MSI2: variants seen among roughly 807,000 people sequenced by gnomAD.
MSI2 encodes the protein musashi RNA binding protein 2, also known as RNA-binding protein Musashi homolog 2.
MSI2 carries 17 observed loss-of-function variants against 45.6 expected under a neutral mutation model. The observed-to-expected ratio is 0.37, with a 90% confidence interval of 0.26 to 0.56. The LOEUF (loss-of-function observed/expected upper bound fraction) is 0.56, where lower values mean the gene tolerates loss of function less well. Ranked by LOEUF, MSI2 falls within the 20% of genes least tolerant of loss-of-function variation. The pLI is 0.77. For missense variants in MSI2, 293 were observed against 444.2 expected, an observed-to-expected ratio of 0.66 and a Z score of 3.06; for synonymous variants, 156 against 158.2, an observed-to-expected ratio of 0.99 and a Z score of 0.11.
Position 57,262,189 on chromosome 17 carries a change from C to G in MSI2, c.309C>G (p.Pro103=). Residue 103 remains proline (P), a synonymous_variant, in exon 5 of 14, where the codon CCC becomes CCG. Transcript: ENST00000284073. ...PKVAFPRRAQ[P]KMVTRTKKIF... ...TTGCATTTCCTCGTCGAGCGCAACCCAAGGTAAGTAGGAGAATAAACAGTA... is the reference window on the plus strand; with the variant it reads ...TTGCATTTCCTCGTCGAGCGCAACCGAAGGTAAGTAGGAGAATAAACAGTA... 6.2e-7 allele frequency: 1 copy of G among 1,613,890 alleles called. No homozygotes were observed. Among genetic ancestry groups the G allele is most frequent in the Non-Finnish European group, 8.5e-7 (1 of 1,179,918 alleles).
chr17:57,399,964 G>A (rs1050623177), intron 5 of MSI2, among the ~76,000 whole-genome samples: 2 of 152,144 alleles, frequency 1.3e-5, no homozygotes, highest in African/African-American at 2.4e-5. Flanking sequence ...CAGCAGATAC[G>A]CCGGGAGCCT....
chr17:57,283,224 A>G (rs1815198), intron 5 of MSI2, among the ~76,000 whole-genome samples: 85,183 of 151,848 alleles, frequency 0.56, 25,743 homozygotes, highest in Middle Eastern at 0.69. Context: ...ATGCCATTTC[A>G]CTAAGGGCGG....
chr17:57,510,716 C>T (rs958925880), intron 6 of MSI2, among the ~76,000 whole-genome samples: 3 of 152,246 alleles, frequency 2.0e-5, no homozygotes, highest in African/African-American at 4.8e-5. Context: ...GCGTGAGCCA[C>T]CACACCCGGC....
intron 5 of MSI2, among the ~76,000 whole-genome samples, chr17:57,379,768 T>C (rs997103763): frequency 3.3e-5 from 5 of 152,038 alleles, no homozygotes; most frequent in Admixed American, 1.3e-4. Flanking sequence ...TCAGTGGCTA[T>C]GCGTTCAGCA....
chr17:57,474,760 C>T (rs544139104), intron 6 of MSI2, among the ~76,000 whole-genome samples: 4 of 152,000 alleles, frequency 2.6e-5, no homozygotes, highest in East Asian at 1.9e-4. Context: ...GCTCTGTCTT[C>T]CAGGCTGAAG....
At chr17:57,665,706 T>C (rs929366442) in intron 11 of MSI2, among the ~76,000 whole-genome samples, 2 of 152,128 alleles carry the variant, frequency 1.3e-5, no homozygotes, top group African/African-American at 4.8e-5. Context: ...CCAAAAGGAC[T>C]TGGCTCTCAG....
chr17:57,593,797 G>C (rs1180127827), intron 7 of MSI2, among the ~76,000 whole-genome samples: 1 of 152,178 alleles, frequency 6.6e-6, no homozygotes, highest in East Asian at 1.9e-4. Flanking sequence ...TGGGGGCTGG[G>C]GCAGAGGGGT....
intron 6 of MSI2, among the ~76,000 whole-genome samples, chr17:57,415,447 T>C (rs1351513617): frequency 1.3e-5 from 2 of 152,170 alleles, no homozygotes; most frequent in Non-Finnish European, 2.9e-5. Flanking sequence ...AGACCTGAGT[T>C]TGAATCCAGA....
At chr17:57,445,119 T>C (rs1410609788) in intron 6 of MSI2, among the ~76,000 whole-genome samples, 2 of 152,196 alleles carry the variant, frequency 1.3e-5, no homozygotes, top group East Asian at 1.9e-4. Flanking sequence ...GAGAGACTTA[T>C]CAGTTAAACC....
intron 6 of MSI2, among the ~76,000 whole-genome samples, chr17:57,482,783 T>G (rs2085674288): frequency 6.6e-6 from 1 of 152,202 alleles, no homozygotes; most frequent in Non-Finnish European, 1.5e-5. Context: ...GTGCCTGCAT[T>G]TAGCAAGTCA....
downstream of MSI2, among the ~76,000 whole-genome samples, chr17:57,685,203 C>A (rs1598526515): frequency 6.6e-6 from 1 of 152,122 alleles, no homozygotes; most frequent in African/African-American, 2.4e-5. Context: ...AGAGATAGAT[C>A]ATCTACAATA....
intron 10 of MSI2, among the ~76,000 whole-genome samples, chr17:57,644,819 C>T (rs1910530209): frequency 6.6e-6 from 1 of 152,050 alleles, no homozygotes; most frequent in Non-Finnish European, 1.5e-5. Flanking sequence ...AAAGATTCCC[C>T]TTAATCACAC....
chr17:57,602,240 A>C (rs1038523578), intron 8 of MSI2, among the ~76,000 whole-genome samples: 1 of 151,736 alleles, frequency 6.6e-6, no homozygotes, highest in Non-Finnish European at 1.5e-5. Context: ...CTCATCAGCT[A>C]TCTTTAGTGT....
chr17:57,468,877 T>C (rs1237945026), intron 6 of MSI2, among the ~76,000 whole-genome samples: 1 of 152,168 alleles, frequency 6.6e-6, no homozygotes, highest in Non-Finnish European at 1.5e-5. Context: ...GACCTCTCTC[T>C]CCTTGAGACA....
chr17:57,698,347 G>A, the MSI2 span, among the ~76,000 whole-genome samples: 2 of 152,162 alleles, frequency 1.3e-5, no homozygotes, highest in South Asian at 2.1e-4. Flanking sequence ...TTCTGTGCCC[G>A]CACGCTGTGG....
Position 57,502,636 on chromosome 17 carries a change from T to TATATATATATATATATATAG in MSI2, c.406-27039_406-27038insTATATATATATATATATAGA. On this transcript the variant is annotated intron_variant, in intron 6 of 13. Transcript: ENST00000284073. ...ATATATATATATATATATATATATA[T>TATATATATATATATATATAG]AGTCATCATTCTGTCATGCAGGAAG... Among the ~76,000 whole-genome samples the TATATATATATATATATATAG allele has an allele frequency of 5.2e-3, 501 of 96,514 alleles. 8 individuals are homozygous for TATATATATATATATATATAG. The highest frequency in any genetic ancestry group is 6.4e-3 in the Non-Finnish European group (296 of 46,286). The allele number at this position is 96,514 out of a possible 152,430, so 63.3% of individuals were successfully genotyped here.
chr17:57,401,500 A>G, intron 6 of MSI2, 29 bp downstream of exon 6: 3 of 1,576,230 alleles, frequency 1.9e-6, no homozygotes, highest in Non-Finnish European at 2.6e-6. Flanking sequence ...TGGATGGCAC[A>G]TGCCAGAAGT....
chr17:57,519,492 C>T (rs1046690134), intron 6 of MSI2, among the ~76,000 whole-genome samples: 1 of 152,156 alleles, frequency 6.6e-6, no homozygotes, highest in Non-Finnish European at 1.5e-5. Context: ...AGTTCCAGCT[C>T]TGCTAGAGGC....
At chr17:57,263,064 C>G (rs941720996) in intron 5 of MSI2, among the ~76,000 whole-genome samples, 1 of 152,218 alleles carries the variant, frequency 6.6e-6, no homozygotes, top group Non-Finnish European at 1.5e-5. Context: ...GTTGAAGCTT[C>G]TAAGTCGGAA....
Sources: allele counts gnomAD v4.1 joint callset (sites outside exome capture counted in the v4.1 genomes callset), GRCh38; gene constraint gnomAD v4.1.1; transcripts MANE v1.5; gene names NCBI Gene and HGNC (gene_info 2026-07-23, HGNC 2026-07-21).